The following BRSK2 variants were observed in gnomAD, a reference collection of about 807,000 sequenced individuals.
BRSK2 encodes the protein BR serine/threonine kinase 2, also known as serine/threonine-protein kinase BRSK2.
In BRSK2, 19 loss-of-function variants were observed where a neutral mutation model predicts 83.3. The ratio of observed to expected loss-of-function variants is 0.23; its 90% CI spans 0.16 to 0.33. The LOEUF is 0.33. Among genes scored for constraint, BRSK2 ranks in the 10% least tolerant of loss-of-function variants. The pLI, the probability that BRSK2 is intolerant of heterozygous loss-of-function variation, is 1.00. For missense variants in BRSK2, 798 were observed against 1,042.3 expected, an observed-to-expected ratio of 0.77 and a Z score of 3.23; for synonymous variants, 519 against 435.4, an observed-to-expected ratio of 1.19 and a Z score of -2.39.
chr11:1,408,110 C>G (rs1341987434), intron 1 of BRSK2, among the ~76,000 whole-genome samples: 1 of 152,250 alleles, frequency 6.6e-6, no homozygotes, highest in Non-Finnish European at 1.5e-5. Flanking sequence ...TCTGGCCTCC[C>G]TGGGGCAAAC....
rs187936516 is a variant in BRSK2, at chr11:1,426,079, G to A, written c.92-9961G>A. Among the ~76,000 whole-genome samples, 383 of 152,334 alleles carry A rather than the reference G, an allele frequency of 2.5e-3. 3 individuals carry two copies. The highest frequency in any genetic ancestry group is 8.8e-3 in the African/African-American group (367 of 41,576). On this transcript the variant is annotated intron_variant, in intron 1 of 19. Transcript: ENST00000528841. ...CTGGCCCCTGGCTCCTAGCCTGTGC[G>A]CGCCCATTCAGGAAAGCAAACACCA... is the stretch of plus-strand genomic sequence containing the variant.
At chr11:1,445,023 C>A in intron 9 of BRSK2, 21 bp downstream of exon 9, 1 of 1,610,244 alleles carries the variant, frequency 6.2e-7, no homozygotes, top group Non-Finnish European at 8.5e-7. Flanking sequence ...TTTCCACCCA[C>A]TAATCGCCTG....
intron 9 of BRSK2, 23 bp from the exon 10 acceptor site, chr11:1,445,271 G>A (rs1193610529): frequency 1.3e-5 from 21 of 1,588,260 alleles, no homozygotes; most frequent in Non-Finnish European, 1.8e-5. Context: ...CTGATGAGCG[G>A]GTGGCCCGTC....
intron 13 of BRSK2, 86 bp from the exon 14 acceptor site, chr11:1,450,501 C>T: frequency 1.5e-6 from 1 of 669,226 alleles, no homozygotes; most frequent in South Asian, 1.9e-5. Context: ...CTGGCACCAC[C>T]CCTGGGCCCG....
intron 1 of BRSK2, among the ~76,000 whole-genome samples, chr11:1,435,672 G>A (rs1052716920): frequency 3.3e-5 from 5 of 151,642 alleles, no homozygotes; most frequent in Non-Finnish European, 7.4e-5. Context: ...GGCAGGGTGT[G>A]CGGGGGACAG....
intron 14 of BRSK2, among the ~76,000 whole-genome samples, chr11:1,451,049 G>A (rs908715241): frequency 5.9e-5 from 9 of 152,252 alleles, no homozygotes; most frequent in Admixed American, 2.0e-4. Flanking sequence ...CAGGCACACA[G>A]CAAGGAGAGC....
At chr11:1,436,158 CGGGGCCGGCGGTGGGGTGGGGCGGGG>C in intron 2 of BRSK2, 24 bp downstream of exon 2, 1 of 64,538 alleles carries the variant, frequency 1.5e-5, no homozygotes, top group Non-Finnish European at 2.9e-5. Flanking sequence ...GGGAGGGAGG[CGGGGCCGGCGGTGGGGTGGGGCGGGG>C]AATAGCACAG....
At position 1,420,316 on chromosome 11, in the gene BRSK2, A is replaced by G. The variant is rs534077222; in HGVS notation, c.92-15724A>G. ...GGCCCAGAGAGGGGAGAGGCTGGCCAGGGCTGTCCCAACCTGTGCACGCCC... is the reference window on the plus strand; with the variant it reads ...GGCCCAGAGAGGGGAGAGGCTGGCCGGGGCTGTCCCAACCTGTGCACGCCC... On this transcript the variant is annotated intron_variant, in intron 1 of 19. Coordinates refer to ENST00000528841, the MANE Select transcript of BRSK2 (RefSeq NM_001256627.2). 1.5e-4 allele frequency among the ~76,000 whole-genome samples: 23 copies of G among 152,342 alleles called. No homozygotes were observed. The South Asian group carries it at 3.5e-3, about 23-fold the overall frequency.
At chr11:1,448,268 C>T (rs933136409) in intron 12 of BRSK2, among the ~76,000 whole-genome samples, 7 of 152,290 alleles carry the variant, frequency 4.6e-5, no homozygotes, top group African/African-American at 7.2e-5. Flanking sequence ...GGGCAGGAGG[C>T]GCCGCCGTCA....
intron 5 of BRSK2, 121 bp from the exon 6 acceptor site, chr11:1,442,984 TG>T: frequency 8.7e-7 from 1 of 1,145,372 alleles, no homozygotes; most frequent in South Asian, 1.6e-5. Flanking sequence ...GCAGGGAATG[TG>T]GGGGCGTCTG....
At chr11:1,455,986 C>G (rs1283052475) in intron 16 of BRSK2, among the ~76,000 whole-genome samples, 1 of 152,170 alleles carries the variant, frequency 6.6e-6, no homozygotes, top group Non-Finnish European at 1.5e-5. Context: ...CCCCCCACCT[C>G]CCACTCAGCT....
In BRSK2 at chr11:1,454,637, G is replaced by A. The variant is rs776322848; in HGVS notation, c.1668+29G>A. On this transcript the variant is annotated intron_variant, in intron 16 of 19. Coordinates refer to ENST00000528841, the MANE Select transcript of BRSK2 (RefSeq NM_001256627.2). The surrounding 1 kb of genome is among the most constrained non-coding windows in gnomAD (Gnocchi z 5.2). The stretch of plus-strand genomic sequence containing the variant: ...AGGCCACAGGGCGCTGGGGGAGGCG[G>A]GCAGCCCTCCCAACCCCACACGGCC... 3.1e-6 allele frequency: 5 copies of A among 1,610,744 alleles called. No individual in the cohort carries two copies. The South Asian group carries it at 4.4e-5, about 14-fold the overall frequency.
intron 1 of BRSK2, among the ~76,000 whole-genome samples, chr11:1,399,250 G>T (rs947281638): frequency 7.2e-5 from 11 of 152,170 alleles, no homozygotes; most frequent in African/African-American, 2.7e-4. Context: ...GTGGTCACTT[G>T]TGTCCACACC....
intron 5 of BRSK2, 58 bp from the exon 6 acceptor site, chr11:1,443,047 TG>T: frequency 4.0e-6 from 6 of 1,513,280 alleles, no homozygotes; most frequent in South Asian, 2.5e-5. Context: ...ACCATCACCC[TG>T]GGGGGAGGGC....
In BRSK2 at chr11:1,445,758, C is replaced by T. The variant is rs1227654574; in HGVS notation, c.1077C>T (p.Asp359=). 6.2e-7 allele frequency: 1 copy of T among 1,611,674 alleles called. No homozygotes were observed. Among genetic ancestry groups the T allele is most frequent in the East Asian group, 2.2e-5 (1 of 44,806 alleles). ...DEDLPPRNEI[D]PPRKRVDSPM... The stretch of plus-strand genomic sequence containing the variant: ...GGCCTGACCTTCGTCTGTACTCAGA[C>T]CCTCCCCGGAAGCGTGTGGACTCCC... Residue 359 remains aspartate, a splice_region_variant and synonymous_variant, in exon 12 of 20, where the codon GAC becomes GAT. Transcript: ENST00000528841.
intron 1 of BRSK2, among the ~76,000 whole-genome samples, chr11:1,404,701 C>T (rs1008747947): frequency 8.5e-5 from 13 of 152,204 alleles, no homozygotes; most frequent in South Asian, 2.1e-4. Context: ...GTAGGAGCAA[C>T]GGGCGTGGGC....
chr11:1,454,280 T>A lies in BRSK2; in HGVS notation c.1545-205T>A, dbSNP rs1281332938. ...GAAAGGTTAGGGTTGGGGTTGGGGT[T>A]AGAGCCACGGTGATGGTCAGGGCAT... On this transcript the variant is annotated intron_variant, in intron 15 of 19. Transcript: ENST00000528841. This position sits in a 1 kb window ranked among gnomAD's most constrained non-coding sequence, Gnocchi z 5.2. The A allele has an allele frequency of 1.8e-6, 1 of 566,828 alleles. No individual in the cohort carries two copies. The highest frequency in any genetic ancestry group is 3.0e-5 in the Admixed American group (1 of 33,636). The allele number at this position is 566,828 out of a possible 1,614,324, so 35.1% of individuals were successfully genotyped here. A position where few individuals can be genotyped will look rare whatever the true frequency, so the allele number is the denominator to read the frequency against.
In BRSK2 at chr11:1,460,790, C is replaced by A; in HGVS notation, c.*67C>A. 1 of 1,457,274 alleles carries A rather than the reference C, an allele frequency of 6.9e-7. No individual in the cohort carries two copies. The highest frequency in any genetic ancestry group is 9.0e-7 in the Non-Finnish European group (1 of 1,112,690). 90.3% of individuals were successfully genotyped at this position (1,457,274 alleles called of 1,614,324 possible). ...GCCTCGCCGCCCGCCGCCCGCCCTG[C>A]CCCGAGTGGACCCGCGGCCGCGCCG... On this transcript the variant is annotated 3_prime_UTR_variant, in exon 20 of 20. Coordinates refer to ENST00000528841, the MANE Select transcript of BRSK2 (RefSeq NM_001256627.2).
rs199964248 is a variant in BRSK2 at position 1,456,568 on chromosome 11, G to A, written c.1850-30G>A. On this transcript the variant is annotated intron_variant, in intron 17 of 19. Coordinates refer to ENST00000528841, the MANE Select transcript of BRSK2 (RefSeq NM_001256627.2). ...CCAGGGCGGCTCCGGGCCCAGGCCC[G>A]TCCAGGGCATAACCCCCTGTCTCCC... is the stretch of plus-strand genomic sequence containing the variant. The A allele has an allele frequency of 1.3e-4, 206 of 1,607,164 alleles. No homozygotes were observed. The African/African-American group carries it at 2.4e-3, about 19-fold the overall frequency.
Sources: gnomAD v4.1 joint callset for allele counts (sites outside exome capture counted in the v4.1 genomes callset) on GRCh38, gnomAD v4.1.1 for gene constraint, Gnocchi (gnomAD v3.1) non-coding constraint, MANE v1.5 for transcripts, NCBI Gene and HGNC (gene_info 2026-07-23, HGNC 2026-07-21) for gene names.